The following OTOF variants were observed in gnomAD, a reference collection of about 807,000 sequenced individuals.
OTOF encodes otoferlin.
A neutral mutation model predicts 236.8 loss-of-function variants in OTOF; 218 were observed. That is an observed-to-expected ratio of 0.92 (90% confidence interval 0.82 to 1.03). The LOEUF (loss-of-function observed/expected upper bound fraction) is 1.03. Among genes scored for constraint, OTOF ranks in the 50% least tolerant of loss-of-function variants. The pLI is 0.00. For synonymous variants in OTOF, 1,041 were observed against 1,072.5 expected (o/e 0.97, Z 0.57); for missense variants, 2,590 against 2,694.4 (o/e 0.96, Z 0.86).
At chr2:26,511,413 T>A (rs1385897972) in intron 5 of OTOF, among the ~76,000 whole-genome samples, 1 of 152,204 alleles carries the variant, frequency 6.6e-6, no homozygotes, top group Non-Finnish European at 1.5e-5. Context: ...AAAACTTTTC[T>A]GGAATGTTCT....
At chr2:26,506,844 A>G (rs1273431568) in intron 5 of OTOF, among the ~76,000 whole-genome samples, 2 of 152,176 alleles carry the variant, frequency 1.3e-5, no homozygotes, top group African/African-American at 4.8e-5. Context: ...TACTAAAATT[A>G]GCTGGGTGTG....
Position 26,480,989 on chromosome 2 carries a change from G to A in OTOF, c.1600C>T (p.Pro534Ser). The A allele has an allele frequency of 6.2e-7, 1 of 1,612,950 alleles. No homozygotes were observed. Among genetic ancestry groups the A allele is most frequent in the Non-Finnish European group, 8.5e-7 (1 of 1,179,968 alleles). The change falls in exon 15 of 47, where the codon CCA becomes TCA. Residue 534 changes from proline (P) to serine (S), a missense_variant. Pro to Ser is a moderately conservative substitution (Grantham distance 74). This residue lies in a region of OTOF where 1,379 missense variants were observed against 1,341.6 expected (regional missense o/e 1.03). Transcript: ENST00000272371. Reference sequence around the variant, plus strand: ...GAGCCGTACATGTTCACCCAGGCTGGGCCCAGTGTGGGCAGGAAGCCTGTG... The same window carrying A: ...GAGCCGTACATGTTCACCCAGGCTGAGCCCAGTGTGGGCAGGAAGCCTGTG... ...GDKGFLPTLG[P>S]AWVNMYGSTR...
rs1310656089 is a variant in OTOF, at chr2:26,519,028, G to T, written c.309C>A (p.Asp103Glu). The T allele has an allele frequency of 1.2e-6, 2 of 1,608,182 alleles. No individual in the cohort carries two copies. The highest frequency in any genetic ancestry group is 1.7e-5 in the Admixed American group (1 of 59,632). Residue 103 changes from aspartate (D) to glutamate (E), a missense_variant, in exon 4 of 47, where the codon GAC (aspartate) becomes GAA (glutamate). This residue lies in a region of OTOF where 1,379 missense variants were observed against 1,341.6 expected (regional missense o/e 1.03). Coordinates refer to ENST00000272371, the MANE Select transcript of OTOF (RefSeq NM_194248.3). ...HVEVTDTLID[D>E]NNAIIKTSLC... is the part of the protein sequence containing the mutation. Reference sequence around the variant, plus strand: ...TACCCACCTTGATGATAGCATTGTTGTCATCAATCAGCGTGTCAGTCACCT... The same window carrying T: ...TACCCACCTTGATGATAGCATTGTTTTCATCAATCAGCGTGTCAGTCACCT...
chr2:26,535,302 G>C (rs938754188), intron 2 of OTOF, among the ~76,000 whole-genome samples: 4 of 152,214 alleles, frequency 2.6e-5, no homozygotes, highest in African/African-American at 9.6e-5. Flanking sequence ...ACCTGGGGAA[G>C]GGTAGTTACC....
chr2:26,523,770 C>G (rs1401102198), intron 3 of OTOF, among the ~76,000 whole-genome samples: 2 of 152,236 alleles, frequency 1.3e-5, no homozygotes, highest in Non-Finnish European at 2.9e-5. Flanking sequence ...CATTGCTAAG[C>G]CTAGTGCAGA....
At chr2:26,554,704 A>G (rs907608522) in intron 1 of OTOF, among the ~76,000 whole-genome samples, 1 of 151,978 alleles carries the variant, frequency 6.6e-6, no homozygotes, top group African/African-American at 2.4e-5. Flanking sequence ...TTGGAGGTGT[A>G]AAAGGGTGTG....
At chr2:26,482,641 G>T in intron 13 of OTOF, 49 bp from the exon 14 acceptor site, 1 of 1,525,342 alleles carries the variant, frequency 6.6e-7, no homozygotes, top group Non-Finnish European at 9.1e-7. Flanking sequence ...GTGTGTGAGT[G>T]GGTGCATGTG....
rs976777416 is a variant in OTOF, at chr2:26,516,479, C to T, written c.448G>A (p.Asp150Asn). The T allele has an allele frequency of 6.2e-7, 1 of 1,613,968 alleles. No homozygotes were observed. Among genetic ancestry groups the T allele is most frequent in the African/African-American group, 1.3e-5 (1 of 75,040 alleles). ...QEEEKDSQET[D>N]GLLPGSRPSS... ...GGCCGGGAGCCTGGGAGCAGTCCAT[C>T]CGTCTCTTGGCTGTCCTTCTCTTCC... The change falls in exon 5 of 47, where the codon GAT (aspartate) becomes AAT (asparagine). Residue 150 changes from aspartate (D) to asparagine (N), a missense_variant. Physicochemically the swap from Asp to Asn is conservative, Grantham distance 23. Around this residue, in one of 2 missense-constraint regions of OTOF, gnomAD observed 1,379 missense variants for 1,341.6 expected, o/e 1.03. Coordinates refer to ENST00000272371, the MANE Select transcript of OTOF (RefSeq NM_194248.3).
chr2:26,513,396 AG>A (rs1249151607), intron 5 of OTOF, among the ~76,000 whole-genome samples: 1 of 152,056 alleles, frequency 6.6e-6, no homozygotes, highest in Non-Finnish European at 1.5e-5. Context: ...GAGTGCCCAG[AG>A]GATCTCCTGG....
rs144499488 is a variant in OTOF at position 26,509,358 on chromosome 2, C to T, written c.510-5513G>A. 4.0e-3 allele frequency among the ~76,000 whole-genome samples: 608 copies of T among 152,344 alleles called. 2 individuals are homozygous for T. The highest frequency in any genetic ancestry group is 7.0e-3 in the Non-Finnish European group (473 of 68,036). On this transcript the variant is annotated intron_variant, in intron 5 of 46. Transcript: ENST00000272371. ...TGAGCCTTGACACATGCTCTGCCTA[C>T]GTGTCTTCCCTTACTGGGAACCTGG...
intron 13 of OTOF, among the ~76,000 whole-genome samples, 197 bp from the exon 14 acceptor site, chr2:26,482,789 G>A (rs1265249692): frequency 6.6e-6 from 1 of 151,608 alleles, no homozygotes; most frequent in South Asian, 2.1e-4. Flanking sequence ...GTGCGTGTGT[G>A]AGTGGATGCA....
chr2:26,508,903 A>G (rs1666315906), intron 5 of OTOF, among the ~76,000 whole-genome samples: 2 of 152,138 alleles, frequency 1.3e-5, no homozygotes, highest in African/African-American at 2.4e-5. Context: ...CAATAGTCCT[A>G]TTGCTCTACA....
chr2:26,554,500 A>G (rs968677741), intron 1 of OTOF, among the ~76,000 whole-genome samples: 2 of 146,456 alleles, frequency 1.4e-5, no homozygotes, highest in African/African-American at 2.8e-5. Context: ...CTGAAATGCA[A>G]TGTACCTTGG....
chr2:26,508,290 C>T (rs1666299982), intron 5 of OTOF, among the ~76,000 whole-genome samples: 1 of 152,218 alleles, frequency 6.6e-6, no homozygotes, highest in South Asian at 2.1e-4. Flanking sequence ...CCAAGCGCCC[C>T]TAAATGGGTT....
chr2:26,523,674 G>T (rs563007987), intron 3 of OTOF, among the ~76,000 whole-genome samples: 30 of 152,182 alleles, frequency 2.0e-4, no homozygotes, highest in Non-Finnish European at 4.1e-4. Context: ...CACCACAGGG[G>T]CATTTATTCA....
intron 26 of OTOF, 148 bp downstream of exon 26, chr2:26,474,365 C>G (rs1215605823): frequency 1.5e-6 from 1 of 677,462 alleles, no homozygotes; most frequent in Non-Finnish European, 2.4e-6. Context: ...CCCCAGCCCC[C>G]AGCCCCAGGC....
chr2:26,528,026 C>G, intron 2 of OTOF, 106 bp from the exon 3 acceptor site: 1 of 802,950 alleles, frequency 1.2e-6, no homozygotes, highest in Non-Finnish European at 2.2e-6. Context: ...AGAGTGGCCC[C>G]TCACTTGGGC....
Position 26,482,403 on chromosome 2 carries a change from G to C in OTOF, c.1579+3C>G, listed in dbSNP as rs760998686. 1 of 1,612,996 alleles carries C rather than the reference G, an allele frequency of 6.2e-7. No individual in the cohort carries two copies. Among genetic ancestry groups the C allele is most frequent in the Non-Finnish European group, 8.5e-7 (1 of 1,179,944 alleles). ...CCAGCACACCGGGTCTCCCGCTGCT[G>C]ACCTTTGTCTCCGTCATTAGAAATC... On this transcript the variant is annotated splice_donor_region_variant and intron_variant, in intron 14 of 46. Transcript: ENST00000272371.
chr2:26,478,221 A>G (rs1665412959), intron 18 of OTOF, among the ~76,000 whole-genome samples: 1 of 152,192 alleles, frequency 6.6e-6, no homozygotes, highest in Admixed American at 6.5e-5. Context: ...CAGGTCCCAC[A>G]GGAAACACAG....
Sources: gnomAD v4.1 joint callset for allele counts (sites outside exome capture counted in the v4.1 genomes callset) on GRCh38, gnomAD v4.1.1 for gene constraint, gnomAD v4.1.1 regional missense constraint, MANE v1.5 for transcripts, NCBI Gene and HGNC (gene_info 2026-07-23, HGNC 2026-07-21) for gene names.